The following GLIS3 variants were observed in gnomAD, a reference collection of about 807,000 sequenced individuals.
GLIS3 encodes the protein zinc finger protein GLIS3.
GLIS3 carries 53 observed loss-of-function variants against 78.6 expected under a neutral mutation model. That is an observed-to-expected ratio of 0.67 (90% confidence interval 0.54 to 0.85). The LOEUF is 0.85. Ranked by LOEUF, GLIS3 falls within the 40% of genes least tolerant of loss-of-function variation. GLIS3 has a pLI of 0.00. For synonymous variants in GLIS3, 684 were observed against 509.9 expected (o/e 1.34, Z -4.60); for missense variants, 1,703 against 1,231.1 (o/e 1.38, Z -5.74).
the GLIS3 span, among the ~76,000 whole-genome samples, chr9:4,375,394 C>G: frequency 2.6e-5 from 4 of 152,080 alleles, no homozygotes; most frequent in Admixed American, 2.6e-4. Flanking sequence ...ATACAAGTTT[C>G]CTTTATACCT....
At chr9:3,970,208 A>G (rs1818277873) in intron 4 of GLIS3, among the ~76,000 whole-genome samples, 1 of 152,220 alleles carries the variant, frequency 6.6e-6, no homozygotes, top group South Asian at 2.1e-4. Flanking sequence ...TAGCTCAGAG[A>G]TTTCCTAAAG....
intron 4 of GLIS3, among the ~76,000 whole-genome samples, chr9:3,961,274 C>T (rs1817530434): frequency 6.6e-6 from 1 of 152,150 alleles, no homozygotes; most frequent in Non-Finnish European, 1.5e-5. Context: ...ATAAGTAACA[C>T]AGGTCACAAA....
intron 9 of GLIS3, among the ~76,000 whole-genome samples, chr9:3,841,297 GTGATAA>G (rs1818699915): frequency 1.3e-5 from 2 of 152,164 alleles, no homozygotes; most frequent in Admixed American, 1.3e-4. Context: ...AGTCCTGATG[GTGATAA>G]TGCACATTTG....
intron 4 of GLIS3, among the ~76,000 whole-genome samples, chr9:3,990,305 G>A (rs998891156): frequency 6.6e-6 from 1 of 152,166 alleles, no homozygotes. Context: ...TCCGGAGGAA[G>A]GGAGATGCTA....
At chr9:4,300,723 C>T (rs1187976557), upstream of GLIS3, among the ~76,000 whole-genome samples, 1 of 151,852 alleles carries the variant, frequency 6.6e-6, no homozygotes, top group Non-Finnish European at 1.5e-5. Context: ...TAAGCTCTGA[C>T]TCGCCACCGC....
chr9:4,322,270 G>T (rs1405309802), intron 2 of GLIS3, among the ~76,000 whole-genome samples: 1 of 152,128 alleles, frequency 6.6e-6, no homozygotes, highest in Non-Finnish European at 1.5e-5. Context: ...TCTTAATCCA[G>T]TCTATCACTG....
At chr9:4,059,173 G>C (rs949459873) in intron 4 of GLIS3, among the ~76,000 whole-genome samples, 1 of 152,148 alleles carries the variant, frequency 6.6e-6, no homozygotes, top group Admixed American at 6.5e-5. Flanking sequence ...TTGACCTTTT[G>C]GCAAGTCTTG....
intron 2 of GLIS3, among the ~76,000 whole-genome samples, chr9:4,315,820 C>T (rs1186358986): frequency 1.3e-5 from 2 of 151,970 alleles, no homozygotes; most frequent in Non-Finnish European, 2.9e-5. Context: ...CAGCATTAGC[C>T]CTGACCCTAG....
the GLIS3 span, among the ~76,000 whole-genome samples, chr9:4,481,088 TCAACTGATCCTCC>T: frequency 1.3e-5 from 2 of 152,272 alleles, no homozygotes; most frequent in African/African-American, 4.8e-5. Context: ...ACTCCTGGGC[TCAACTGATCCTCC>T]CAAGTGGGCC....
the GLIS3 span, among the ~76,000 whole-genome samples, chr9:4,441,857 G>A: frequency 3.5e-4 from 53 of 152,176 alleles, no homozygotes; most frequent in Middle Eastern, 6.8e-3. Context: ...TGCCCACCTC[G>A]GCCTCCCCAA....
At chr9:4,021,346 A>G (rs1419810724) in intron 4 of GLIS3, among the ~76,000 whole-genome samples, 3 of 152,184 alleles carry the variant, frequency 2.0e-5, no homozygotes, top group Non-Finnish European at 2.9e-5. Flanking sequence ...ATGCAACTGA[A>G]TAAGAGATTT....
the GLIS3 span, among the ~76,000 whole-genome samples, chr9:4,416,470 A>G: frequency 7.2e-5 from 11 of 152,110 alleles, no homozygotes; most frequent in Admixed American, 2.6e-4. Context: ...ATCTTGTTCT[A>G]AAAGGTTTAT....
At chr9:4,100,512 A>G (rs563403490) in intron 4 of GLIS3, among the ~76,000 whole-genome samples, 1 of 152,344 alleles carries the variant, frequency 6.6e-6, no homozygotes, top group African/African-American at 2.4e-5. Context: ...TGCATTAAGT[A>G]AAAACGTACA....
At chr9:4,203,004 G>A (rs144391972) in intron 2 of GLIS3, among the ~76,000 whole-genome samples, 61 of 152,202 alleles carry the variant, frequency 4.0e-4, no homozygotes, top group African/African-American at 1.1e-3. Context: ...ACTTCTATAC[G>A]GCAAAAGAAA....
At chr9:4,107,593 G>A (rs1233119711) in intron 4 of GLIS3, among the ~76,000 whole-genome samples, 1 of 152,174 alleles carries the variant, frequency 6.6e-6, no homozygotes, top group Non-Finnish European at 1.5e-5. Context: ...TTATTTTAAT[G>A]CATTGCAATA....
intron 2 of GLIS3, among the ~76,000 whole-genome samples, chr9:4,192,745 T>G (rs2038546): frequency 0.44 from 66,896 of 151,334 alleles, 14,945 homozygotes; most frequent in South Asian, 0.55. Context: ...ACATGGTTGT[T>G]CCGTGTCTCA....
chr9:3,911,145 C>A (rs1274700254), intron 6 of GLIS3, among the ~76,000 whole-genome samples: 1 of 152,068 alleles, frequency 6.6e-6, no homozygotes, highest in African/African-American at 2.4e-5. Flanking sequence ...TTCCTCCCTT[C>A]CTTCCGCACT....
At chr9:4,134,576 A>G (rs1310880718) in intron 2 of GLIS3, among the ~76,000 whole-genome samples, 1 of 152,130 alleles carries the variant, frequency 6.6e-6, no homozygotes, top group Non-Finnish European at 1.5e-5. Context: ...GAGACCCAAC[A>G]TATATGATGT....
intron 6 of GLIS3, among the ~76,000 whole-genome samples, chr9:3,909,538 G>C (rs539369105): frequency 6.8e-4 from 104 of 152,282 alleles, no homozygotes; most frequent in Admixed American, 2.2e-3. Flanking sequence ...CATCTGTATA[G>C]GGGATACCTA....
Sources: gnomAD v4.1 joint callset for allele counts (sites outside exome capture counted in the v4.1 genomes callset) on GRCh38, gnomAD v4.1.1 for gene constraint, MANE v1.5 for transcripts, NCBI Gene and HGNC (gene_info 2026-07-23, HGNC 2026-07-21) for gene names.